AGPAT4: variants seen among roughly 807,000 people sequenced by gnomAD.
AGPAT4 encodes 1-acylglycerol-3-phosphate O-acyltransferase 4.
AGPAT4 carries 15 observed loss-of-function variants against 48.0 expected under a neutral mutation model. That is an observed-to-expected ratio of 0.31 (90% CI 0.21 to 0.48). The LOEUF is 0.48. Ranked by LOEUF, AGPAT4 falls within the 20% of genes least tolerant of loss-of-function variation. The pLI is 0.99. For synonymous variants in AGPAT4, 178 were observed against 198.7 expected (o/e 0.90, Z 0.88); for missense variants, 314 against 482.5 (o/e 0.65, Z 3.27).
At chr6:161,269,602 G>A (rs1316570883) in intron 1 of AGPAT4, among the ~76,000 whole-genome samples, 2 of 152,066 alleles carry the variant, frequency 1.3e-5, no homozygotes, top group South Asian at 2.1e-4. Flanking sequence ...CCATGATGGC[G>A]CCACTGCCCT....
chr6:161,236,859 G>C lies in AGPAT4; in HGVS notation c.-89-4557C>G, dbSNP rs936064770. Among the ~76,000 whole-genome samples the C allele has an allele frequency of 6.6e-6, 1 of 152,082 alleles. No homozygotes were observed. Among genetic ancestry groups the C allele is most frequent in the African/African-American group, 2.4e-5 (1 of 41,408 alleles). Reference sequence around the variant, plus strand: ...AGAGGTTGCAGTGAGCCGAGATTGTGCCACTGCACTCCAGCCTGGGCGACA... The same window carrying C: ...AGAGGTTGCAGTGAGCCGAGATTGTCCCACTGCACTCCAGCCTGGGCGACA... On this transcript the variant is annotated intron_variant, in intron 1 of 8. Transcript: ENST00000320285. This position sits in a 1 kb window ranked among gnomAD's most constrained non-coding sequence, Gnocchi z 5.0.
At position 161,216,952 on chromosome 6, in the gene AGPAT4, TCTTAATTTGA is replaced by T. The variant is rs1232125290; in HGVS notation, c.178+15074_178+15083del. 1.3e-5 allele frequency among the ~76,000 whole-genome samples: 2 copies of T among 152,168 alleles called. No homozygotes were observed. The highest frequency in any genetic ancestry group is 6.5e-5 in the Admixed American group (1 of 15,290). ...TATCACCCAGTAATCCCTGCTTCTG[TCTTAATTTGA>T]CTTTCCCCTCACACGTGGCTCTGAT... On this transcript the variant is annotated intron_variant, in intron 2 of 8. Coordinates refer to ENST00000320285, the MANE Select transcript of AGPAT4 (RefSeq NM_020133.3). This position sits in a 1 kb window ranked among gnomAD's most constrained non-coding sequence, Gnocchi z 4.8.
Position 161,130,667 on chromosome 6 carries a change from G to A in AGPAT4, c.*5873C>T, listed in dbSNP as rs115274459. Reference sequence around the variant, plus strand: ...CAAAAGAGGGGCTGATCCATCTCCCGTGAACATCTGTTGACTGTGGGCGGC... The same window carrying A: ...CAAAAGAGGGGCTGATCCATCTCCCATGAACATCTGTTGACTGTGGGCGGC... On this transcript the variant is annotated 3_prime_UTR_variant, in exon 9 of 9. Coordinates refer to ENST00000320285, the MANE Select transcript of AGPAT4 (RefSeq NM_020133.3). The A allele has an allele frequency of 4.7e-4, 138 of 291,686 alleles. No homozygotes were observed. Among genetic ancestry groups the A allele is most frequent in the African/African-American group, 2.6e-3 (118 of 46,196 alleles). 18.1% of individuals were successfully genotyped at this position (291,686 alleles called of 1,614,324 possible).
At chr6:161,145,865 G>C (rs573502056) in intron 7 of AGPAT4, among the ~76,000 whole-genome samples, 2 of 151,868 alleles carry the variant, frequency 1.3e-5, no homozygotes, top group African/African-American at 4.9e-5. Flanking sequence ...ACTGGTTAAT[G>C]AGACCTGGCC....
rs963766712 is a variant in AGPAT4, at chr6:161,198,131, A to G, written c.179-31714T>C. Among the ~76,000 whole-genome samples, 2 of 152,200 alleles carry G rather than the reference A, an allele frequency of 1.3e-5. No individual in the cohort carries two copies. The highest frequency in any genetic ancestry group is 6.5e-5 in the Admixed American group (1 of 15,290). On this transcript the variant is annotated intron_variant, in intron 2 of 8. Transcript: ENST00000320285. The surrounding 1 kb of genome is among the most constrained non-coding windows in gnomAD (Gnocchi z 4.3). ...ACACATGTCTATTGTACTAACTAATATGCTTATTGATGAGTTTTGTGTTTC... is the reference window on the plus strand; with the variant it reads ...ACACATGTCTATTGTACTAACTAATGTGCTTATTGATGAGTTTTGTGTTTC...
At position 161,243,082 on chromosome 6, in the gene AGPAT4, T is replaced by G. The variant is rs1321887869; in HGVS notation, c.-89-10780A>C. On this transcript the variant is annotated intron_variant, in intron 1 of 8. Coordinates refer to ENST00000320285, the MANE Select transcript of AGPAT4 (RefSeq NM_020133.3). This position sits in a 1 kb window ranked among gnomAD's most constrained non-coding sequence, Gnocchi z 4.8. ...TGTCTCAAAAAAATTTTTTTTTAAT[T>G]TAAAAAAAAATGAAACTTTTTCAAA... Among the ~76,000 whole-genome samples, 3 of 151,768 alleles carry G rather than the reference T, an allele frequency of 2.0e-5. No individual in the cohort carries two copies. The highest frequency in any genetic ancestry group is 7.3e-5 in the African/African-American group (3 of 41,290).
In AGPAT4 at chr6:161,266,645, C is replaced by T. The variant is rs991006814; in HGVS notation, c.-90+7293G>A. On this transcript the variant is annotated intron_variant, in intron 1 of 8. Coordinates refer to ENST00000320285, the MANE Select transcript of AGPAT4 (RefSeq NM_020133.3). The surrounding 1 kb of genome is among the most constrained non-coding windows in gnomAD (Gnocchi z 6.2). ...GCCGAAGAATCTGCTCACCATCCGC[C>T]TTGCAACCTGCCCTTCCCCCAGCAG... is the stretch of plus-strand genomic sequence containing the variant. Among the ~76,000 whole-genome samples the T allele has an allele frequency of 6.6e-6, 1 of 152,164 alleles. No homozygotes were observed. Among genetic ancestry groups the T allele is most frequent in the African/African-American group, 2.4e-5 (1 of 41,434 alleles).
In AGPAT4 at chr6:161,221,414, G is replaced by A. The variant is rs754324402; in HGVS notation, c.178+10622C>T. Among the ~76,000 whole-genome samples, 2 of 152,134 alleles carry A rather than the reference G, an allele frequency of 1.3e-5. No individual in the cohort carries two copies. The highest frequency in any genetic ancestry group is 6.5e-5 in the Admixed American group (1 of 15,270). On this transcript the variant is annotated intron_variant, in intron 2 of 8. Transcript: ENST00000320285. This position sits in a 1 kb window ranked among gnomAD's most constrained non-coding sequence, Gnocchi z 4.5. ...ATGGATAAAAGCAAGGTATTTTATC[G>A]TATAATCTCTCATTTCCTATCTTAT...
rs1381792194 is a variant in AGPAT4, at chr6:161,249,290, G to T, written c.-89-16988C>A. 6.6e-6 allele frequency among the ~76,000 whole-genome samples: 1 copy of T among 152,104 alleles called. No individual in the cohort carries two copies. The highest frequency in any genetic ancestry group is 2.4e-5 in the African/African-American group (1 of 41,418). The stretch of plus-strand genomic sequence containing the variant: ...TCATGACGAACACACCAAAGCAATT[G>T]CAACAAAAGCAAAAATTGACAAATG... On this transcript the variant is annotated intron_variant, in intron 1 of 8. Coordinates refer to ENST00000320285, the MANE Select transcript of AGPAT4 (RefSeq NM_020133.3). This position sits in a 1 kb window ranked among gnomAD's most constrained non-coding sequence, Gnocchi z 6.2.
chr6:161,250,169 C>A (rs991302844), intron 1 of AGPAT4, among the ~76,000 whole-genome samples: 6 of 152,080 alleles, frequency 3.9e-5, no homozygotes, highest in African/African-American at 1.4e-4. Context: ...TTGAGGGGAA[C>A]AATACACACT....
Position 161,180,005 on chromosome 6 carries a change from G to A in AGPAT4, c.179-13588C>T, listed in dbSNP as rs116806212. On this transcript the variant is annotated intron_variant, in intron 2 of 8. Coordinates refer to ENST00000320285, the MANE Select transcript of AGPAT4 (RefSeq NM_020133.3). This position sits in a 1 kb window ranked among gnomAD's most constrained non-coding sequence, Gnocchi z 6.4. ...AGACAGGAAAGAAATTAAGAAGCAT[G>A]CCCTGAATCCACTTCTAGGCAGCCC... Among the ~76,000 whole-genome samples, 822 of 152,224 alleles carry A rather than the reference G, an allele frequency of 5.4e-3. 9 individuals carry two copies. Among genetic ancestry groups the A allele is most frequent in the African/African-American group, 0.019 (790 of 41,528 alleles).
intron 8 of AGPAT4, 140 bp from the exon 9 acceptor site, chr6:161,136,774 A>T: frequency 1.2e-5 from 8 of 667,136 alleles, no homozygotes; most frequent in Non-Finnish European, 1.9e-5. Flanking sequence ...AGGTGCCATC[A>T]TCCTGCCGGC....
At position 161,134,828 on chromosome 6, in the gene AGPAT4, T is replaced by C. The variant is rs1420973247; in HGVS notation, c.*1712A>G. On this transcript the variant is annotated 3_prime_UTR_variant, in exon 9 of 9. Coordinates refer to ENST00000320285, the MANE Select transcript of AGPAT4 (RefSeq NM_020133.3). ...TTTGCCCACAGATCTCTGCACACGG[T>C]GCTTCATGCCCTGTGCAGGGTGGGC... 6.6e-6 allele frequency: 1 copy of C among 152,304 alleles called. No homozygotes were observed. Among genetic ancestry groups the C allele is most frequent in the Non-Finnish European group, 1.5e-5 (1 of 68,102 alleles). The allele number at this position is 152,304 out of a possible 1,614,324, so 9.4% of individuals were successfully genotyped here. A position where few individuals can be genotyped will look rare whatever the true frequency, so the allele number is the denominator to read the frequency against.
rs769100335 is a variant in AGPAT4, at chr6:161,254,716, ACTT to A, written c.-90+19219_-90+19221del. ...CTTAGATTTACTGAGGCTACTTACA[ACTT>A]CTTCTGTTAATCCTTGGTTCTAAGC... On this transcript the variant is annotated intron_variant, in intron 1 of 8. Transcript: ENST00000320285. The surrounding 1 kb of genome is among the most constrained non-coding windows in gnomAD (Gnocchi z 5.9). 1.3e-5 allele frequency among the ~76,000 whole-genome samples: 2 copies of A among 152,202 alleles called. No individual in the cohort carries two copies. The highest frequency in any genetic ancestry group is 2.9e-5 in the Non-Finnish European group (2 of 68,036).
rs1380720373 is a variant in AGPAT4, at chr6:161,217,527, A to G, written c.178+14509T>C. ...GAGTCCATCAGGTGCATGGTAATCC[A>G]GTATGAAGGCATTGGCGTTATGCCT... On this transcript the variant is annotated intron_variant, in intron 2 of 8. Coordinates refer to ENST00000320285, the MANE Select transcript of AGPAT4 (RefSeq NM_020133.3). The surrounding 1 kb of genome is among the most constrained non-coding windows in gnomAD (Gnocchi z 4.9). Among the ~76,000 whole-genome samples the G allele has an allele frequency of 1.3e-5, 2 of 152,210 alleles. No individual in the cohort carries two copies. Among genetic ancestry groups the G allele is most frequent in the Non-Finnish European group, 2.9e-5 (2 of 68,038 alleles).
intron 2 of AGPAT4, among the ~76,000 whole-genome samples, chr6:161,181,914 A>C (rs1780608739): frequency 6.6e-6 from 1 of 151,920 alleles, no homozygotes. Context: ...CAAAAATCTT[A>C]CTCTTTTATG....
chr6:161,181,504 A>AGGGGGGGGGGGGGGG (rs1780589918), intron 2 of AGPAT4, among the ~76,000 whole-genome samples: 1 of 141,972 alleles, frequency 7.0e-6, no homozygotes, highest in Non-Finnish European at 1.6e-5. Flanking sequence ...TGGGGGTAGC[A>AGGGGGGGGGGGGGGG]GGGGGCGGGG....
At chr6:161,194,026 T>C (rs564299504) in intron 2 of AGPAT4, among the ~76,000 whole-genome samples, 2 of 152,358 alleles carry the variant, frequency 1.3e-5, no homozygotes, top group African/African-American at 2.4e-5. Flanking sequence ...TCTACAGCTA[T>C]GCTGTCCACT....
rs1782532019 is a variant in AGPAT4, at chr6:161,242,851, T to C, written c.-89-10549A>G. 1.3e-5 allele frequency among the ~76,000 whole-genome samples: 2 copies of C among 152,132 alleles called. No homozygotes were observed. Among genetic ancestry groups the C allele is most frequent in the Non-Finnish European group, 2.9e-5 (2 of 68,008 alleles). On this transcript the variant is annotated intron_variant, in intron 1 of 8. Transcript: ENST00000320285. The surrounding 1 kb of genome is among the most constrained non-coding windows in gnomAD (Gnocchi z 5.0). ...TTTGGGAGGGGGTGGGTGGCTCACCTGAGGTCAGGAGATCGAGGCCAGCCT... is the reference window on the plus strand; with the variant it reads ...TTTGGGAGGGGGTGGGTGGCTCACCCGAGGTCAGGAGATCGAGGCCAGCCT...
Sources: gnomAD v4.1 joint callset for allele counts (sites outside exome capture counted in the v4.1 genomes callset) on GRCh38, gnomAD v4.1.1 for gene constraint, Gnocchi (gnomAD v3.1) non-coding constraint, MANE v1.5 for transcripts, NCBI Gene and HGNC (gene_info 2026-07-23, HGNC 2026-07-21) for gene names.